The following HAO2 variants were observed in gnomAD, a reference collection of about 807,000 sequenced individuals.
HAO2 encodes the protein 2-Hydroxyacid oxidase 2.
In HAO2, 42 loss-of-function variants were observed where a neutral mutation model predicts 37.4. The ratio of observed to expected loss-of-function variants is 1.12; its 90% CI spans 0.88 to 1.45. The LOEUF (loss-of-function observed/expected upper bound fraction) is 1.45, where lower values mean the gene tolerates loss of function less well. Among genes scored for constraint, HAO2 ranks in the 40% most tolerant of loss-of-function variants. HAO2 has a pLI of 0.00. For missense variants in HAO2, 476 were observed against 430.2 expected, an observed-to-expected ratio of 1.11 and a Z score of -0.94; for synonymous variants, 180 against 162.8, an observed-to-expected ratio of 1.11 and a Z score of -0.81.
chr1:119,369,568 T>C (rs1008956838), intron 1 of HAO2, among the ~76,000 whole-genome samples: 1 of 152,224 alleles, frequency 6.6e-6, no homozygotes, highest in Non-Finnish European at 1.5e-5. Context: ...CGCAAACTTT[T>C]ATTCTTAACT....
At position 119,381,123 on chromosome 1, in the gene HAO2, C is replaced by G. The variant is rs774389200; in HGVS notation, c.38C>G (p.Ala13Gly). 1 of 1,610,410 alleles carries G rather than the reference C, an allele frequency of 6.2e-7. No homozygotes were observed. Among genetic ancestry groups the G allele is most frequent in the South Asian group, 1.1e-5 (1 of 91,000 alleles). ...LVCLTDFQAH[A>G]REQLSKSTRD... ...TGTTTGACAGACTTTCAGGCCCATG[C>G]GCGAGAGCAGCTGTCTAAGTCAACT... Residue 13 changes from alanine (A) to glycine (G), a missense_variant, in exon 2 of 8, where the codon GCG (alanine) becomes GGG (glycine). Transcript: ENST00000325945.
At chr1:119,381,998 C>T (rs959874144) in intron 2 of HAO2, among the ~76,000 whole-genome samples, 1 of 152,198 alleles carries the variant, frequency 6.6e-6, no homozygotes, top group Admixed American at 6.5e-5. Flanking sequence ...CAAATATTTA[C>T]TCTCTGGCCC....
chr1:119,379,816 A>G (rs1321009368), intron 1 of HAO2, among the ~76,000 whole-genome samples: 9 of 151,858 alleles, frequency 5.9e-5, no homozygotes, highest in Admixed American at 5.9e-4. Context: ...TCTCTGTTTG[A>G]CTTCAACAGA....
chr1:119,373,195 C>A (rs1649171274), intron 1 of HAO2, among the ~76,000 whole-genome samples: 1 of 152,128 alleles, frequency 6.6e-6, no homozygotes, highest in Non-Finnish European at 1.5e-5. Context: ...TCAAGTGGAG[C>A]TCCTTTTACT....
chr1:119,386,539 C>T, intron 4 of HAO2, 83 bp from the exon 5 acceptor site: 2 of 844,844 alleles, frequency 2.4e-6, no homozygotes, highest in Admixed American at 1.8e-5. Context: ...TAAATGGCAG[C>T]TCTCTAAATG....
intron 1 of HAO2, among the ~76,000 whole-genome samples, chr1:119,372,423 A>T (rs1298888603): frequency 1.3e-5 from 2 of 152,206 alleles, no homozygotes; most frequent in African/African-American, 4.8e-5. Context: ...TTCTTGACAT[A>T]AGGGACTACA....
chr1:119,379,371 T>C (rs1052590627), intron 1 of HAO2, among the ~76,000 whole-genome samples: 9 of 152,148 alleles, frequency 5.9e-5, no homozygotes, highest in African/African-American at 2.2e-4. Flanking sequence ...GGGAACCCTG[T>C]TGAAATCCAA....
rs1557853400 is a variant in HAO2 at position 119,386,700 on chromosome 1, A to ATAAC, written c.642_645dup (p.Arg216AsnfsTer38). On this transcript the variant is annotated frameshift_variant, in exon 5 of 8. Transcript: ENST00000325945. LOFTEE classifies it high-confidence loss of function. ...GAATGATCTCTCCTGGTTTCAGAGC[A>ATAAC]TAACTCGATTGCCCATCATCCTGAA... The ATAAC allele has an allele frequency of 6.2e-7, 1 of 1,613,374 alleles. No individual in the cohort carries two copies. Among genetic ancestry groups the ATAAC allele is most frequent in the Non-Finnish European group, 8.5e-7 (1 of 1,179,318 alleles).
In HAO2 at chr1:119,382,982, G is replaced by A. The variant is rs764514684; in HGVS notation, c.199G>A (p.Glu67Lys). ...GGACACCAGAACCACAATCCAAGGGGAGGAGATCAGTGCCCCTATTTGTAT... is the reference window on the plus strand; with the variant it reads ...GGACACCAGAACCACAATCCAAGGGAAGGAGATCAGTGCCCCTATTTGTAT... The part of the protein sequence containing the change: ...EVDTRTTIQG[E>K]EISAPICIAP... The change falls in exon 3 of 8, where the codon GAG becomes AAG. Residue 67 changes from glutamate (E) to lysine (K), a missense_variant. Coordinates refer to ENST00000325945, the MANE Select transcript of HAO2 (RefSeq NM_016527.4). The A allele has an allele frequency of 1.6e-5, 26 of 1,612,756 alleles. No individual in the cohort carries two copies. The highest frequency in any genetic ancestry group is 2.0e-5 in the Non-Finnish European group (23 of 1,178,994).
intron 1 of HAO2, chr1:119,370,103 G>C (rs145398733): frequency 1.2e-3 from 189 of 152,238 alleles, no homozygotes; most frequent in African/African-American, 4.4e-3. Context: ...CTTGAGGATG[G>C]AGGATCGCTG....
chr1:119,390,651 G>A (rs1371770282), intron 5 of HAO2, among the ~76,000 whole-genome samples: 3 of 152,174 alleles, frequency 2.0e-5, no homozygotes, highest in African/African-American at 7.2e-5. Flanking sequence ...AATAAAATAG[G>A]GAGTGAATTT....
chr1:119,379,113 C>T (rs1649709954), intron 1 of HAO2, among the ~76,000 whole-genome samples: 1 of 152,120 alleles, frequency 6.6e-6, no homozygotes, highest in South Asian at 2.1e-4. Flanking sequence ...TGCCAGTGGA[C>T]TCATGCGGGA....
rs111295367 is a variant in HAO2 at position 119,376,391 on chromosome 1, T to C, written c.-8-4687T>C. Among the ~76,000 whole-genome samples the C allele has an allele frequency of 8.9e-3, 1,361 of 152,294 alleles. 26 individuals carry two copies. Among genetic ancestry groups the C allele is most frequent in the African/African-American group, 0.031 (1,270 of 41,558 alleles). On this transcript the variant is annotated intron_variant, in intron 1 of 7. Coordinates refer to ENST00000325945, the MANE Select transcript of HAO2 (RefSeq NM_016527.4). ...TTGGGCAGCTCTGCCTCTGTGGCTT[T>C]TCAGGGTACAGCCTCTCTTCTGGCT...
At chr1:119,384,466 G>T (rs1414240924) in intron 3 of HAO2, among the ~76,000 whole-genome samples, 2 of 152,134 alleles carry the variant, frequency 1.3e-5, no homozygotes, top group Admixed American at 6.5e-5. Flanking sequence ...AAGAGGCCCA[G>T]TTGCCTGTCT....
At chr1:119,388,044 C>G (rs1291113656) in intron 5 of HAO2, among the ~76,000 whole-genome samples, 1 of 152,192 alleles carries the variant, frequency 6.6e-6, no homozygotes, top group Non-Finnish European at 1.5e-5. Context: ...CTGGTAAGAG[C>G]TGAACCGAAG....
At chr1:119,385,348 T>A in intron 4 of HAO2, 1 of 984,750 alleles carries the variant, frequency 1.0e-6, no homozygotes, top group Non-Finnish European at 1.2e-6. Flanking sequence ...ACGGAAAATA[T>A]TTTTGCACGA....
At chr1:119,386,511 C>A in intron 4 of HAO2, 111 bp from the exon 5 acceptor site, 1 of 710,738 alleles carries the variant, frequency 1.4e-6, no homozygotes, top group Non-Finnish European at 2.5e-6. Flanking sequence ...CAGCCCTGTT[C>A]TTCCTCCTTC....
At chr1:119,381,310 A>T (rs1649920726) in intron 2 of HAO2, 94 bp downstream of exon 2, 4 of 887,066 alleles carry the variant, frequency 4.5e-6, no homozygotes, top group East Asian at 4.8e-5. Flanking sequence ...CCTCCAAAAA[A>T]CACAGATCAC....
At chr1:119,372,633 G>A (rs1054299447) in intron 1 of HAO2, among the ~76,000 whole-genome samples, 1 of 152,188 alleles carries the variant, frequency 6.6e-6, no homozygotes. Context: ...CAGCTGGTGT[G>A]ACAGGCCGTA....
Sources: gnomAD v4.1 joint callset for allele counts (sites outside exome capture counted in the v4.1 genomes callset) on GRCh38, gnomAD v4.1.1 for gene constraint, MANE v1.5 for transcripts, NCBI Gene and HGNC (gene_info 2026-07-23, HGNC 2026-07-21) for gene names.